The following ACYP2 variants were observed in gnomAD, a reference collection of about 807,000 sequenced individuals.
ACYP2 encodes the protein acylphosphatase 2.
In ACYP2, 12 loss-of-function variants were observed where a neutral mutation model predicts 11.2. That is an observed-to-expected ratio of 1.08 (90% CI 0.69 to 1.74). The LOEUF is 1.74. ACYP2 is among the 40% of genes most tolerant of loss of function. The pLI is 0.00. For synonymous variants in ACYP2, 43 were observed against 32.2 expected, an observed-to-expected ratio of 1.33 and a Z score of -1.13; for missense variants, 134 against 101.9, an observed-to-expected ratio of 1.31 and a Z score of -1.35.
At chr2:54,207,756 A>G (rs1297089457) in intron 6 of ACYP2, among the ~76,000 whole-genome samples, 1 of 152,220 alleles carries the variant, frequency 6.6e-6, no homozygotes, top group East Asian at 1.9e-4. Flanking sequence ...AACAAAAGCC[A>G]TGAACCATGA....
chr2:54,155,033 C>G (rs572327469), intron 6 of ACYP2, among the ~76,000 whole-genome samples: 1 of 152,250 alleles, frequency 6.6e-6, no homozygotes, highest in East Asian at 1.9e-4. Context: ...AGGATAAATT[C>G]TAGGAATATA....
intron 2 of ACYP2, among the ~76,000 whole-genome samples, chr2:54,035,265 CTTTTTT>C (rs895749612): frequency 7.9e-6 from 1 of 126,032 alleles, no homozygotes; most frequent in African/African-American, 3.0e-5. Context: ...TTTTCTTTTT[CTTTTTT>C]TTTTTTTTTT....
At chr2:54,136,293 G>C (rs1681227480) in intron 5 of ACYP2, among the ~76,000 whole-genome samples, 1 of 151,994 alleles carries the variant, frequency 6.6e-6, no homozygotes, top group African/African-American at 2.4e-5. Context: ...CACCTGCCTT[G>C]GCCTCCCAAA....
rs150474863 is a variant in ACYP2 at position 54,003,041 on chromosome 2, G to A, written c.62+29231G>A. 6.1e-3 allele frequency among the ~76,000 whole-genome samples: 920 copies of A among 151,732 alleles called. 12 individuals are homozygous for A. The highest frequency in any genetic ancestry group is 0.021 in the African/African-American group (879 of 41,380). On this transcript the variant is annotated intron_variant, in intron 2 of 6. Coordinates refer to ENST00000607452, the MANE Select transcript of ACYP2 (RefSeq NM_001320586.2). ...AGGCTCAATGCAACCTCCACCTCCTGGGTTCAAGTGAATACTTGTGCCTCA... is the reference window on the plus strand; with the variant it reads ...AGGCTCAATGCAACCTCCACCTCCTAGGTTCAAGTGAATACTTGTGCCTCA...
intron 2 of ACYP2, among the ~76,000 whole-genome samples, chr2:53,992,729 G>T (rs1455380976): frequency 6.6e-6 from 1 of 151,570 alleles, no homozygotes; most frequent in Non-Finnish European, 1.5e-5. Flanking sequence ...TACTTGGGAG[G>T]CTGTGGCAGG....
intron 6 of ACYP2, among the ~76,000 whole-genome samples, chr2:54,233,283 A>C (rs1442106619): frequency 6.6e-6 from 1 of 150,992 alleles, no homozygotes; most frequent in Non-Finnish European, 1.5e-5. Context: ...AATAATGAAC[A>C]TATGTATCAT....
chr2:54,242,920 A>AT (rs2103989400), intron 6 of ACYP2, among the ~76,000 whole-genome samples: 1 of 152,342 alleles, frequency 6.6e-6, no homozygotes, highest in African/African-American at 2.4e-5. Flanking sequence ...GACCGTATGT[A>AT]TTATCTGAAG....
chr2:54,252,720 C>T (rs542869785), intron 6 of ACYP2, among the ~76,000 whole-genome samples: 1 of 152,142 alleles, frequency 6.6e-6, no homozygotes, highest in Admixed American at 6.5e-5. Flanking sequence ...CTTGTTAACA[C>T]GGTGAAACCC....
At chr2:54,144,502 C>T (rs573415430) in intron 6 of ACYP2, among the ~76,000 whole-genome samples, 59 of 151,902 alleles carry the variant, frequency 3.9e-4, no homozygotes, top group Admixed American at 1.3e-3. Context: ...GGTGAAACCC[C>T]GTCTCTACTA....
intron 4 of ACYP2, among the ~76,000 whole-genome samples, chr2:54,072,281 T>C (rs1265377617): frequency 1.3e-5 from 2 of 152,082 alleles, no homozygotes; most frequent in Non-Finnish European, 2.9e-5. Context: ...GCTATTCCAA[T>C]CAAAATCCTA....
rs72800712 is a variant in ACYP2, at chr2:54,033,223, G to A, written c.63-17735G>A. Among the ~76,000 whole-genome samples the A allele has an allele frequency of 3.0e-3, 451 of 151,202 alleles. 2 individuals carry two copies. The highest frequency in any genetic ancestry group is 5.4e-3 in the Non-Finnish European group (368 of 67,734). ...ATTTTTTTTTTTTTTTTTGAGACAG[G>A]GTCTTGCGTTGTTGTCCAGGCTGGA... On this transcript the variant is annotated intron_variant, in intron 2 of 6. Transcript: ENST00000607452.
chr2:54,219,411 GGTCT>G (rs1685687659), intron 6 of ACYP2, among the ~76,000 whole-genome samples: 1 of 152,004 alleles, frequency 6.6e-6, no homozygotes, highest in Non-Finnish European at 1.5e-5. Context: ...ACATAATGGA[GGTCT>G]TTGAATGCCA....
chr2:54,106,191 GC>G (rs1456128430), intron 4 of ACYP2, among the ~76,000 whole-genome samples: 4 of 152,004 alleles, frequency 2.6e-5, no homozygotes, highest in African/African-American at 9.7e-5. Flanking sequence ...ACACTGTACT[GC>G]ATTCATCACT....
intron 4 of ACYP2, among the ~76,000 whole-genome samples, chr2:54,128,702 AT>A (rs1472660157): frequency 1.3e-5 from 2 of 151,358 alleles, no homozygotes; most frequent in Non-Finnish European, 2.9e-5. Flanking sequence ...GATGAAGGTT[AT>A]TTTTTTTCCT....
At chr2:54,006,708 C>CTGCA (rs1230663764) in intron 2 of ACYP2, among the ~76,000 whole-genome samples, 2 of 152,180 alleles carry the variant, frequency 1.3e-5, no homozygotes, top group Middle Eastern at 6.3e-3. Flanking sequence ...TAACAGCTGA[C>CTGCA]TGCAGCCTTG....
Position 53,984,337 on chromosome 2 carries a change from G to A in ACYP2, c.62+10527G>A, listed in dbSNP as rs558839518. ...TTATGTCTGTAATCCCAGCACTTTG[G>A]GAGGCCGAGGCAGGTGCATCACCTG... On this transcript the variant is annotated intron_variant, in intron 2 of 6. Coordinates refer to ENST00000607452, the MANE Select transcript of ACYP2 (RefSeq NM_001320586.2). 5.3e-5 allele frequency among the ~76,000 whole-genome samples: 8 copies of A among 152,126 alleles called. No individual in the cohort carries two copies. The East Asian group carries it at 1.5e-3, about 29-fold the overall frequency.
intron 4 of ACYP2, among the ~76,000 whole-genome samples, chr2:54,060,947 CA>C (rs1460368631): frequency 6.6e-6 from 1 of 151,902 alleles, no homozygotes; most frequent in East Asian, 1.9e-4. Flanking sequence ...TGTTTTATAC[CA>C]TTTTTAGATG....
At chr2:54,165,257 T>C (rs902508006) in intron 6 of ACYP2, among the ~76,000 whole-genome samples, 1 of 152,184 alleles carries the variant, frequency 6.6e-6, no homozygotes, top group African/African-American at 2.4e-5. Flanking sequence ...TGATATATTA[T>C]TTCACTCACA....
At chr2:54,135,553 G>T in intron 5 of ACYP2, 84 bp downstream of exon 2, 1 of 1,169,164 alleles carries the variant, frequency 8.6e-7, no homozygotes. Context: ...TTTCTACTTG[G>T]CGCTAGTCTA....
Sources: allele counts gnomAD v4.1 joint callset (sites outside exome capture counted in the v4.1 genomes callset), GRCh38; gene constraint gnomAD v4.1.1; transcripts MANE v1.5; gene names NCBI Gene and HGNC (gene_info 2026-07-23, HGNC 2026-07-21).